ASIC2: variants seen among roughly 807,000 people sequenced by gnomAD.
The protein encoded by ASIC2 is acid sensing ion channel subunit 2, also known as acid-sensing ion channel 2.
A neutral mutation model predicts 57.3 loss-of-function variants in ASIC2; 25 were observed. The ratio of observed to expected loss-of-function variants is 0.44; its 90% CI spans 0.32 to 0.61. The LOEUF (loss-of-function observed/expected upper bound fraction) is 0.61, where lower values mean the gene tolerates loss of function less well. ASIC2 is among the 20% of genes least tolerant of loss of function. ASIC2 has a pLI of 0.06. For synonymous variants in ASIC2, 319 were observed against 307.5 expected (o/e 1.04, Z -0.39); for missense variants, 641 against 738.1 (o/e 0.87, Z 1.52).
chr17:33,060,376 G>A (rs557788537), intron 3 of ASIC2, among the ~76,000 whole-genome samples: 27 of 152,092 alleles, frequency 1.8e-4, no homozygotes, highest in South Asian at 1.2e-3. Flanking sequence ...AGCTTTCTAC[G>A]TATGGCTAGC....
intron 1 of ASIC2, among the ~76,000 whole-genome samples, chr17:33,486,542 G>C (rs567611195): frequency 1.3e-5 from 2 of 152,210 alleles, no homozygotes; most frequent in Admixed American, 6.5e-5. Flanking sequence ...ATGGTCAAGA[G>C]ACTTCATCAG....
chr17:34,031,861 G>A (rs116151343), intron 1 of ASIC2, among the ~76,000 whole-genome samples: 2,049 of 152,326 alleles, frequency 0.013, 47 homozygotes, highest in East Asian at 0.061. Flanking sequence ...ATGGCAGTAT[G>A]TGGAAAGACC....
In ASIC2 at chr17:34,009,314, G is replaced by T. The variant is rs192213942; in HGVS notation, c.555+146664C>A. 3.9e-5 allele frequency among the ~76,000 whole-genome samples: 6 copies of T among 152,268 alleles called. No homozygotes were observed. The East Asian group carries it at 1.2e-3, about 29-fold the overall frequency. ...TAGCAGCAGCCTAGAGATGCCCCAA[G>T]GCTGCATCATCCAATGTGAAAGCCA... On this transcript the variant is annotated intron_variant, in intron 1 of 9. Coordinates refer to the ASIC2 transcript ENST00000359872.
At chr17:33,033,161 T>G (rs1237846516) in intron 3 of ASIC2, among the ~76,000 whole-genome samples, 1 of 152,150 alleles carries the variant, frequency 6.6e-6, no homozygotes, top group African/African-American at 2.4e-5. Context: ...GGCTGCACAC[T>G]CCGTAGAGCC....
intron 1 of ASIC2, among the ~76,000 whole-genome samples, chr17:33,952,085 A>G (rs550383973): frequency 2.0e-5 from 3 of 152,310 alleles, no homozygotes; most frequent in African/African-American, 7.2e-5. Flanking sequence ...AGAGAAATAG[A>G]CCCCATGATA....
chr17:33,751,876 G>A (rs1206027710), intron 1 of ASIC2, among the ~76,000 whole-genome samples: 1 of 150,956 alleles, frequency 6.6e-6, no homozygotes, highest in Non-Finnish European at 1.5e-5. Flanking sequence ...AGAGGCAGCG[G>A]GAGGCTGGGA....
At chr17:33,751,320 G>A (rs542921955) in intron 1 of ASIC2, among the ~76,000 whole-genome samples, 1 of 152,280 alleles carries the variant, frequency 6.6e-6, no homozygotes, top group East Asian at 1.9e-4. Flanking sequence ...CCATCTAGTG[G>A]CACTGCCAGG....
intron 1 of ASIC2, among the ~76,000 whole-genome samples, chr17:34,020,972 A>G (rs535148520): frequency 1.3e-5 from 2 of 152,200 alleles, no homozygotes; most frequent in South Asian, 4.1e-4. Context: ...CTACCACCAA[A>G]TTATTATCAC....
intron 1 of ASIC2, among the ~76,000 whole-genome samples, chr17:33,464,685 C>CTA (rs1478158844): frequency 2.0e-4 from 21 of 104,674 alleles, no homozygotes; most frequent in East Asian, 1.0e-3. Context: ...CTCTCTCTCT[C>CTA]TCTATATATA....
chr17:33,675,887 G>A (rs1907804297), intron 1 of ASIC2, among the ~76,000 whole-genome samples: 2 of 152,154 alleles, frequency 1.3e-5, no homozygotes, highest in African/African-American at 4.8e-5. Context: ...TCATTTTATT[G>A]CACTTTGCTT....
rs945985150 is a variant in ASIC2, at chr17:33,802,128, A to G, written c.555+353850T>C. Reference sequence around the variant, plus strand: ...TGGTCAATGACAGACTGCATATACGACAGTGGTCCCACAAGGCTGCAATGC... The same window carrying G: ...TGGTCAATGACAGACTGCATATACGGCAGTGGTCCCACAAGGCTGCAATGC... On this transcript the variant is annotated intron_variant, in intron 1 of 9. Coordinates refer to the ASIC2 transcript ENST00000359872. Among the ~76,000 whole-genome samples the G allele has an allele frequency of 2.6e-5, 4 of 152,362 alleles. No individual in the cohort carries two copies. In the East Asian group the frequency reaches 7.7e-4, roughly 29 times the overall value.
At chr17:33,540,714 C>T (rs550994584) in intron 1 of ASIC2, among the ~76,000 whole-genome samples, 1 of 152,234 alleles carries the variant, frequency 6.6e-6, no homozygotes, top group South Asian at 2.1e-4. Context: ...ATGGTGCATT[C>T]ACTGAGCATA....
intron 1 of ASIC2, among the ~76,000 whole-genome samples, chr17:33,984,754 C>A (rs146120528): frequency 6.6e-6 from 1 of 152,176 alleles, no homozygotes; most frequent in Non-Finnish European, 1.5e-5. Flanking sequence ...CTAAGCAAGG[C>A]ATGGGCTCTT....
At chr17:33,744,696 G>A (rs1324143887) in intron 1 of ASIC2, among the ~76,000 whole-genome samples, 3 of 152,150 alleles carry the variant, frequency 2.0e-5, no homozygotes, top group African/African-American at 2.4e-5. Flanking sequence ...AAGAAAAAAA[G>A]CAGGCAACAA....
At chr17:33,914,278 A>C (rs1033143910) in intron 1 of ASIC2, among the ~76,000 whole-genome samples, 2 of 152,084 alleles carry the variant, frequency 1.3e-5, no homozygotes, top group Non-Finnish European at 2.9e-5. Flanking sequence ...TTCATTACGA[A>C]AGTTGGCCCT....
At chr17:33,593,932 G>GTAATAAATC (rs1904905731) in intron 1 of ASIC2, among the ~76,000 whole-genome samples, 1 of 152,128 alleles carries the variant, frequency 6.6e-6, no homozygotes, top group African/African-American at 2.4e-5. Context: ...AATATTCAGG[G>GTAATAAATC]AGTTTTAAAG....
intron 1 of ASIC2, among the ~76,000 whole-genome samples, chr17:34,077,702 C>T (rs1397473025): frequency 1.3e-5 from 2 of 152,154 alleles, no homozygotes; most frequent in African/African-American, 4.8e-5. Flanking sequence ...ATTGCGTCCT[C>T]ATTGAAATTC....
At chr17:33,028,628 C>T (rs921984281) in intron 3 of ASIC2, among the ~76,000 whole-genome samples, 43 of 152,172 alleles carry the variant, frequency 2.8e-4, no homozygotes, top group Non-Finnish European at 5.3e-4. Context: ...TCAAGCGATC[C>T]TCCTGTCTCG....
intron 1 of ASIC2, among the ~76,000 whole-genome samples, chr17:33,457,166 C>A (rs886970786): frequency 4.6e-5 from 7 of 151,946 alleles, no homozygotes. Context: ...GAAGTAAGAA[C>A]TTAATAAATG....
Sources: gnomAD v4.1 joint callset for allele counts (sites outside exome capture counted in the v4.1 genomes callset) on GRCh38, gnomAD v4.1.1 for gene constraint, MANE v1.5 for transcripts, NCBI Gene and HGNC (gene_info 2026-07-23, HGNC 2026-07-21) for gene names.